The following TRUB1 variants were observed in gnomAD, a reference collection of about 807,000 sequenced individuals.
The protein encoded by TRUB1 is TruB pseudouridine synthase family member 1, also known as pseudouridylate synthase TRUB1.
Under a neutral mutation model 33.9 loss-of-function variants are expected in TRUB1, and 23 were observed. The observed-to-expected ratio is 0.68, with a 90% CI of 0.49 to 0.96. The LOEUF (loss-of-function observed/expected upper bound fraction) is 0.96. TRUB1 is among the 40% of genes least tolerant of loss of function. TRUB1 has a pLI of 0.00. For missense variants in TRUB1, 378 were observed against 422.2 expected (o/e 0.90, Z 0.92); for synonymous variants, 163 against 165.4 (o/e 0.99, Z 0.11).
At chr10:114,944,786 A>G (rs1270878058) in intron 2 of TRUB1, among the ~76,000 whole-genome samples, 1 of 152,116 alleles carries the variant, frequency 6.6e-6, no homozygotes, top group East Asian at 1.9e-4. Flanking sequence ...AGAGTCCAAG[A>G]CCAGCTTAGA....
chr10:114,956,824 CAT>C (rs1324811769), intron 3 of TRUB1, among the ~76,000 whole-genome samples: 1 of 152,020 alleles, frequency 6.6e-6, no homozygotes, highest in Admixed American at 6.6e-5. Context: ...GCAGATATAA[CAT>C]GTTTTTAAAA....
chr10:114,946,637 C>T (rs973617990), intron 2 of TRUB1, among the ~76,000 whole-genome samples: 1 of 152,004 alleles, frequency 6.6e-6, no homozygotes, highest in African/African-American at 2.4e-5. Context: ...CCACCATGCC[C>T]GGCCAAAAGG....
Position 114,975,197 on chromosome 10 carries a change from C to G in TRUB1, c.868C>G (p.Leu290Val), listed in dbSNP as rs945765263. 3 of 1,613,550 alleles carry G rather than the reference C, an allele frequency of 1.9e-6. No homozygotes were observed. The African/African-American group carries it at 4.0e-5, about 22-fold the overall frequency. Reference protein sequence around the residue: ...QGPFTLEEHALPEDKWTIDDI... With the variant: ...QGPFTLEEHAVPEDKWTIDDI... ...ACCATTTACGCTAGAAGAACATGCC[C>G]TTCCTGAAGACAAATGGACAATTGA... Residue 290 changes from leucine to valine, a missense_variant, in exon 8 of 8, where the codon CTT (leucine) becomes GTT (valine). Leu to Val is a conservative substitution (Grantham distance 32). Coordinates refer to ENST00000298746, the MANE Select transcript of TRUB1 (RefSeq NM_139169.5).
rs182382908 is a variant in TRUB1, at chr10:114,950,914, T to G, written c.386-180T>G. Among the ~76,000 whole-genome samples the G allele has an allele frequency of 4.4e-3, 674 of 152,358 alleles. 6 individuals are homozygous for G. Among genetic ancestry groups the G allele is most frequent in the Non-Finnish European group, 8.0e-3 (542 of 68,026 alleles). On this transcript the variant is annotated intron_variant, in intron 2 of 7. Coordinates refer to ENST00000298746, the MANE Select transcript of TRUB1 (RefSeq NM_139169.5). Reference sequence around the variant, plus strand: ...CTTCTCTTGTCCCTTCTTTAGAATTTCTTAGTTGCATGACAAGTTCAACTG... The same window carrying G: ...CTTCTCTTGTCCCTTCTTTAGAATTGCTTAGTTGCATGACAAGTTCAACTG...
At chr10:114,951,034 T>C in intron 2 of TRUB1, 60 bp from the exon 3 acceptor site, 1 of 1,441,888 alleles carries the variant, frequency 6.9e-7, no homozygotes, top group Non-Finnish European at 9.7e-7. Context: ...AAAATATAGC[T>C]ATTTTAAAAA....
intron 3 of TRUB1, among the ~76,000 whole-genome samples, chr10:114,953,486 T>A (rs1025815456): frequency 6.2e-4 from 94 of 152,228 alleles, no homozygotes; most frequent in African/African-American, 2.2e-3. Flanking sequence ...TTTTCTTTTT[T>A]TAAAAGCACT....
intron 4 of TRUB1, among the ~76,000 whole-genome samples, chr10:114,963,990 T>C (rs75679555): frequency 0.014 from 2,115 of 148,650 alleles, 118 homozygotes; most frequent in Admixed American, 0.11. Context: ...TGTGTGTGTG[T>C]GCGTGTGCAC....
intron 4 of TRUB1, among the ~76,000 whole-genome samples, chr10:114,961,964 C>A (rs2084286576): frequency 6.6e-6 from 1 of 152,118 alleles, no homozygotes; most frequent in South Asian, 2.1e-4. Context: ...TTCAGAGATA[C>A]TTGAATTTAC....
At chr10:114,946,403 G>A (rs374628269) in intron 2 of TRUB1, among the ~76,000 whole-genome samples, 47 of 152,036 alleles carry the variant, frequency 3.1e-4, no homozygotes, top group African/African-American at 1.1e-3. Context: ...GTGCGGTGGC[G>A]TGATCTCAGC....
intron 3 of TRUB1, among the ~76,000 whole-genome samples, chr10:114,951,768 A>G (rs1419607276): frequency 6.6e-6 from 1 of 152,142 alleles, no homozygotes; most frequent in East Asian, 1.9e-4. Flanking sequence ...TATCCTAATG[A>G]GTAATTAGGT....
At chr10:114,969,772 A>G (rs1206929588) in intron 4 of TRUB1, among the ~76,000 whole-genome samples, 3 of 147,272 alleles carry the variant, frequency 2.0e-5, no homozygotes, top group Non-Finnish European at 4.5e-5. Context: ...ACAACAGAGA[A>G]GGGGGAGGCT....
chr10:114,954,572 C>G (rs1227926471), intron 3 of TRUB1, among the ~76,000 whole-genome samples: 1 of 152,160 alleles, frequency 6.6e-6, no homozygotes, highest in African/African-American at 2.4e-5. Context: ...AGAGCCACTG[C>G]TCTGTGTTCC....
chr10:114,970,293 G>C, intron 4 of TRUB1, 75 bp from the exon 5 acceptor site: 1 of 1,004,048 alleles, frequency 1.0e-6, no homozygotes, highest in Non-Finnish European at 1.5e-6. Context: ...TGAATTTTCA[G>C]GGCTGTTGGT....
At chr10:114,966,880 CTT>C (rs1004683060) in intron 4 of TRUB1, among the ~76,000 whole-genome samples, 4 of 152,230 alleles carry the variant, frequency 2.6e-5, no homozygotes, top group African/African-American at 4.8e-5. Context: ...CTAAAATAGA[CTT>C]TTTTTCCAGG....
At chr10:114,938,655 C>A in intron 1 of TRUB1, 116 bp downstream of exon 1, 2 of 1,168,508 alleles carry the variant, frequency 1.7e-6, no homozygotes, top group Non-Finnish European at 2.3e-6. Context: ...GGGAGACTGA[C>A]CATTGAATTA....
intron 4 of TRUB1, among the ~76,000 whole-genome samples, chr10:114,961,586 A>G (rs1313078271): frequency 1.3e-5 from 2 of 152,228 alleles, no homozygotes; most frequent in Non-Finnish European, 2.9e-5. Flanking sequence ...AGTTTGTTAA[A>G]TCATCTCATT....
intron 3 of TRUB1, among the ~76,000 whole-genome samples, chr10:114,957,932 A>G (rs1164197004): frequency 2.6e-5 from 4 of 152,180 alleles, no homozygotes; most frequent in Non-Finnish European, 4.4e-5. Context: ...AACTCTAGCC[A>G]CTGTTAACTG....
chr10:114,971,886 C>G (rs1357192692), intron 5 of TRUB1, among the ~76,000 whole-genome samples: 2 of 152,162 alleles, frequency 1.3e-5, no homozygotes, highest in Non-Finnish European at 2.9e-5. Context: ...ATTGGTAACA[C>G]TGCATATTGT....
chr10:114,941,143 G>A (rs963888651), intron 1 of TRUB1, among the ~76,000 whole-genome samples: 1 of 152,104 alleles, frequency 6.6e-6, no homozygotes, highest in African/African-American at 2.4e-5. Context: ...GATAAGGAAG[G>A]TTTGATGGGC....
Sources: allele counts gnomAD v4.1 joint callset (sites outside exome capture counted in the v4.1 genomes callset), GRCh38; gene constraint gnomAD v4.1.1; transcripts MANE v1.5; gene names NCBI Gene and HGNC (gene_info 2026-07-23, HGNC 2026-07-21).